Variants in ADAMTS3 observed in about 807,000 individuals in gnomAD.
ADAMTS3 encodes A disintegrin and metalloproteinase with thrombospondin motifs 3.
ADAMTS3 carries 73 observed loss-of-function variants against 129.0 expected under a neutral mutation model. The observed-to-expected ratio is 0.57, with a 90% CI of 0.47 to 0.69. The LOEUF is 0.69. Among genes scored for constraint, ADAMTS3 ranks in the 30% least tolerant of loss-of-function variants. ADAMTS3 has a pLI of 0.00. For synonymous variants in ADAMTS3, 477 were observed against 510.8 expected (o/e 0.93, Z 0.89); for missense variants, 1,457 against 1,514.5 (o/e 0.96, Z 0.63).
intron 11 of ADAMTS3, among the ~76,000 whole-genome samples, 179 bp downstream of exon 11, chr4:72,315,679 T>G (rs112140998): frequency 3.5e-4 from 54 of 152,332 alleles, no homozygotes; most frequent in African/African-American, 1.2e-3. Context: ...TTGTGAAAAT[T>G]TGTTACCTTA....
At chr4:72,488,081 T>C (rs980207473) in intron 3 of ADAMTS3, among the ~76,000 whole-genome samples, 4 of 152,062 alleles carry the variant, frequency 2.6e-5, no homozygotes, top group African/African-American at 7.2e-5. Context: ...CACAATCAAG[T>C]CTTTTTTTAT....
chr4:72,520,225 G>T (rs529985199), intron 3 of ADAMTS3, among the ~76,000 whole-genome samples: 5 of 152,190 alleles, frequency 3.3e-5, no homozygotes, highest in South Asian at 2.1e-4. Flanking sequence ...GTACCCGGCC[G>T]TGTGAGGTGT....
chr4:72,563,866 T>C (rs1390913140), intron 2 of ADAMTS3, among the ~76,000 whole-genome samples: 1 of 152,172 alleles, frequency 6.6e-6, no homozygotes, highest in Non-Finnish European at 1.5e-5. Context: ...CTGTTTTATG[T>C]ACTAGAGATA....
rs1311895790 is a variant in ADAMTS3, at chr4:72,283,333, T to A, written c.3421A>T (p.Thr1141Ser). 1 of 1,613,812 alleles carries A rather than the reference T, an allele frequency of 6.2e-7. No individual in the cohort carries two copies. The highest frequency in any genetic ancestry group is 2.2e-5 in the East Asian group (1 of 44,850). Residue 1141 changes from threonine (T) to serine (S), a missense_variant, in exon 22 of 22, where the codon ACT (threonine) becomes TCT (serine). Physicochemically the swap from Thr to Ser is moderately conservative, Grantham distance 58 (BLOSUM62 1). Coordinates refer to ENST00000286657, the MANE Select transcript of ADAMTS3 (RefSeq NM_014243.3). ...GATGGTACGGTGACCAGTCTCACAG[T>A]CTTACTTCCTGCTTGCTGAGCACTC... ...QRSAQQAGSK[T>S]VRLVTVPSSP...
intron 3 of ADAMTS3, among the ~76,000 whole-genome samples, chr4:72,449,697 T>C (rs1276089546): frequency 6.6e-6 from 1 of 151,736 alleles, no homozygotes; most frequent in Non-Finnish European, 1.5e-5. Flanking sequence ...GCCCCTATTA[T>C]ACCTGCAGTT....
chr4:72,429,834 T>G (rs1268423262), intron 3 of ADAMTS3, among the ~76,000 whole-genome samples: 1 of 151,910 alleles, frequency 6.6e-6, no homozygotes, highest in African/African-American at 2.4e-5. Flanking sequence ...TGCAGTTGGG[T>G]GAATATAGAA....
At chr4:72,549,775 T>C (rs774191328) in intron 2 of ADAMTS3, among the ~76,000 whole-genome samples, 7 of 151,576 alleles carry the variant, frequency 4.6e-5, no homozygotes, top group African/African-American at 7.3e-5. Flanking sequence ...CATGTTAAAC[T>C]GAATTTCACA....
chr4:72,549,918 A>T (rs1303680351), intron 2 of ADAMTS3, among the ~76,000 whole-genome samples: 1 of 145,966 alleles, frequency 6.9e-6, no homozygotes, highest in Admixed American at 7.0e-5. Flanking sequence ...AATGGATACT[A>T]GAGAAGGAAA....
At chr4:72,392,836 G>A (rs917239187) in intron 4 of ADAMTS3, among the ~76,000 whole-genome samples, 1 of 151,784 alleles carries the variant, frequency 6.6e-6, no homozygotes, top group African/African-American at 2.4e-5. Flanking sequence ...TTTAGTTTTA[G>A]GAGGAACTAG....
chr4:72,483,378 T>C (rs1397896029), intron 3 of ADAMTS3, among the ~76,000 whole-genome samples: 1 of 152,220 alleles, frequency 6.6e-6, no homozygotes, highest in Non-Finnish European at 1.5e-5. Flanking sequence ...AAAAGCTCTA[T>C]AGCTAAACTA....
chr4:72,283,715 A>G lies in ADAMTS3; in HGVS notation c.3050-11T>C. 1 of 1,539,548 alleles carries G rather than the reference A, an allele frequency of 6.5e-7. No homozygotes were observed. The highest frequency in any genetic ancestry group is 8.7e-7 in the Non-Finnish European group (1 of 1,143,144). On this transcript the variant is annotated splice_polypyrimidine_tract_variant and intron_variant, in intron 21 of 21. Transcript: ENST00000286657. ...CCAAACATGGTTCATCTGCAAAAAT[A>G]AAAAGAAAATAAACTAACACTAGCA...
chr4:72,288,898 A>G (rs1390096948), intron 20 of ADAMTS3, 30 bp from the exon 21 acceptor site: 1 of 1,338,114 alleles, frequency 7.5e-7, no homozygotes, highest in African/African-American at 1.5e-5. Context: ...GGTTACAGAC[A>G]TTTATTGCAC....
intron 4 of ADAMTS3, among the ~76,000 whole-genome samples, chr4:72,344,221 A>T (rs1242873812): frequency 5.9e-5 from 9 of 152,172 alleles, no homozygotes; most frequent in Admixed American, 5.9e-4. Context: ...TTCTTTGCTG[A>T]TTATGGACAC....
intron 2 of ADAMTS3, among the ~76,000 whole-genome samples, chr4:72,555,782 T>C (rs2109798757): frequency 6.6e-6 from 1 of 151,540 alleles, no homozygotes; most frequent in South Asian, 2.1e-4. Context: ...ATCATGGGGG[T>C]GGACCTCCCC....
intron 4 of ADAMTS3, among the ~76,000 whole-genome samples, chr4:72,361,267 T>G (rs1279661666): frequency 1.3e-5 from 2 of 152,182 alleles, no homozygotes; most frequent in Non-Finnish European, 2.9e-5. Flanking sequence ...AATTATATTA[T>G]CTCACAAATT....
intron 3 of ADAMTS3, among the ~76,000 whole-genome samples, chr4:72,425,166 T>C (rs1239243035): frequency 6.6e-6 from 1 of 152,152 alleles, no homozygotes; most frequent in Admixed American, 6.6e-5. Context: ...AATATATGAG[T>C]ATTCTCAGAA....
chr4:72,561,639 C>T (rs1449124068), intron 2 of ADAMTS3, among the ~76,000 whole-genome samples: 1 of 152,134 alleles, frequency 6.6e-6, no homozygotes, highest in Admixed American at 6.5e-5. Flanking sequence ...TAAAAATATA[C>T]TTACTAAATA....
intron 3 of ADAMTS3, among the ~76,000 whole-genome samples, chr4:72,537,322 CT>C (rs1197846916): frequency 6.6e-6 from 1 of 152,128 alleles, no homozygotes; most frequent in Non-Finnish European, 1.5e-5. Flanking sequence ...GAGTGATAGC[CT>C]TTTTTGTTAC....
intron 3 of ADAMTS3, among the ~76,000 whole-genome samples, chr4:72,508,088 A>G (rs1226837393): frequency 6.6e-6 from 1 of 152,156 alleles, no homozygotes; most frequent in Non-Finnish European, 1.5e-5. Flanking sequence ...ACAATTCAAA[A>G]CCACATCTCT....
Sources: allele counts gnomAD v4.1 joint callset (sites outside exome capture counted in the v4.1 genomes callset), GRCh38; gene constraint gnomAD v4.1.1; transcripts MANE v1.5; gene names NCBI Gene and HGNC (gene_info 2026-07-23, HGNC 2026-07-21).